SESTD1: variants seen among roughly 807,000 people sequenced by gnomAD.
The protein encoded by SESTD1 is SEC14 domain and spectrin repeat-containing protein 1.
SESTD1 carries 43 observed loss-of-function variants against 101.7 expected under a neutral mutation model. The ratio of observed to expected loss-of-function variants is 0.42; its 90% confidence interval spans 0.33 to 0.55. SESTD1 has a LOEUF of 0.55. Ranked by LOEUF, SESTD1 falls within the 20% of genes least tolerant of loss-of-function variation. The probability of loss-of-function intolerance (pLI) is 0.07; values close to 1 mark genes in which losing one functional copy is unlikely to be tolerated. For synonymous variants in SESTD1, 283 were observed against 286.8 expected (o/e 0.99, Z 0.13); for missense variants, 647 against 815.1 (o/e 0.79, Z 2.51).
chr2:179,237,806 G>A (rs1286985453), intron 1 of SESTD1, among the ~76,000 whole-genome samples: 1 of 152,058 alleles, frequency 6.6e-6, no homozygotes, highest in Non-Finnish European at 1.5e-5. Flanking sequence ...GACTCCATGG[G>A]AGTCAGTATC....
intron 7 of SESTD1, among the ~76,000 whole-genome samples, chr2:179,148,385 A>T (rs894213687): frequency 2.0e-5 from 3 of 152,198 alleles, no homozygotes; most frequent in Non-Finnish European, 4.4e-5. Flanking sequence ...GAGGAGGAGG[A>T]CTTGCTCTAC....
chr2:179,116,313 C>A (rs1046711180), intron 15 of SESTD1, among the ~76,000 whole-genome samples: 3 of 150,718 alleles, frequency 2.0e-5, no homozygotes, highest in African/African-American at 7.3e-5. Context: ...CAAAAAAGTT[C>A]TGTATTATTA....
chr2:179,193,338 G>A (rs553033653), intron 1 of SESTD1, among the ~76,000 whole-genome samples: 39 of 152,266 alleles, frequency 2.6e-4, no homozygotes, highest in African/African-American at 5.1e-4. Flanking sequence ...GAATATTTGC[G>A]ATTTGTTTAT....
In SESTD1 at chr2:179,214,307, C is replaced by CA. The variant is rs1203398197; in HGVS notation, c.-25-22442dup. 6.9e-5 allele frequency among the ~76,000 whole-genome samples: 9 copies of CA among 131,036 alleles called. 2 individuals are homozygous for CA. The highest frequency in any genetic ancestry group is 2.1e-4 in the African/African-American group (7 of 32,956). The allele number at this position is 131,036 out of a possible 152,430, so 86.0% of individuals were successfully genotyped here. On this transcript the variant is annotated intron_variant, in intron 1 of 17. Coordinates refer to ENST00000428443, the MANE Select transcript of SESTD1 (RefSeq NM_178123.5). ...GAAGATCTACTAAGCAAATGGAAAG[C>CA]AAAAAAAAGCAAAGGTTGAAATCCT...
intron 1 of SESTD1, among the ~76,000 whole-genome samples, chr2:179,247,579 C>A (rs996781407): frequency 6.8e-6 from 1 of 147,500 alleles, no homozygotes; most frequent in Non-Finnish European, 1.5e-5. Flanking sequence ...CATGTACCAC[C>A]ACACCTGGCT....
chr2:179,179,469 T>C lies in SESTD1; in HGVS notation c.165-2931A>G, dbSNP rs111848054. On this transcript the variant is annotated intron_variant, in intron 3 of 17. Transcript: ENST00000428443. Reference sequence around the variant, plus strand: ...AGTGGATTTCCTGGGGCCAACATCCTGCAGATCTTCACTCATTTCTTTGAT... The same window carrying C: ...AGTGGATTTCCTGGGGCCAACATCCCGCAGATCTTCACTCATTTCTTTGAT... Among the ~76,000 whole-genome samples, 10 of 152,266 alleles carry C rather than the reference T, an allele frequency of 6.6e-5. 1 individual carries two copies. The highest frequency in any genetic ancestry group is 2.4e-4 in the African/African-American group (10 of 41,542).
At chr2:179,252,422 A>G (rs889716849) in intron 1 of SESTD1, among the ~76,000 whole-genome samples, 44 of 152,286 alleles carry the variant, frequency 2.9e-4, no homozygotes, top group African/African-American at 1.0e-3. Context: ...GTAATTCAAG[A>G]TCTAGTAAAA....
chr2:179,169,640 A>T (rs191472), intron 5 of SESTD1, among the ~76,000 whole-genome samples: 1 of 152,162 alleles, frequency 6.6e-6, no homozygotes, highest in African/African-American at 2.4e-5. Context: ...TCTGGGAATC[A>T]CCAAGATAGA....
chr2:179,176,286 G>A (rs1361103090), intron 4 of SESTD1, among the ~76,000 whole-genome samples, 162 bp downstream of exon 4: 6 of 152,094 alleles, frequency 3.9e-5, no homozygotes, highest in Admixed American at 1.3e-4. Context: ...CAAACCTAAG[G>A]AGTTGAATTT....
At chr2:179,151,002 G>A (rs1481584204) in intron 6 of SESTD1, among the ~76,000 whole-genome samples, 1 of 152,026 alleles carries the variant, frequency 6.6e-6, no homozygotes, top group Non-Finnish European at 1.5e-5. Flanking sequence ...TCACACAAAG[G>A]TAGGTACTAT....
chr2:179,161,409 T>A (rs2045733671), intron 5 of SESTD1, among the ~76,000 whole-genome samples: 1 of 152,198 alleles, frequency 6.6e-6, no homozygotes, highest in South Asian at 2.1e-4. Context: ...ACATTCAAAA[T>A]GGTATTATGT....
chr2:179,230,113 C>CT (rs71023474), intron 1 of SESTD1, among the ~76,000 whole-genome samples: 2,129 of 56,400 alleles, frequency 0.038, 739 homozygotes, highest in Non-Finnish European at 0.057. Flanking sequence ...GATTGTATCT[C>CT]TTTTTTTTTT....
At chr2:179,135,667 C>T (rs187600032) in intron 9 of SESTD1, among the ~76,000 whole-genome samples, 1 of 152,226 alleles carries the variant, frequency 6.6e-6, no homozygotes. Context: ...ATTGGAGAAT[C>T]GTTTGAGCCT....
intron 1 of SESTD1, among the ~76,000 whole-genome samples, chr2:179,195,277 T>C (rs1463390865): frequency 6.6e-6 from 1 of 152,192 alleles, no homozygotes; most frequent in East Asian, 1.9e-4. Flanking sequence ...CATGCTGTTC[T>C]TGTGATAGTG....
chr2:179,142,215 A>G (rs34997591), intron 9 of SESTD1, among the ~76,000 whole-genome samples: 7,271 of 152,288 alleles, frequency 0.048, 201 homozygotes, highest in Middle Eastern at 0.099. Flanking sequence ...CCACAGCTGC[A>G]AGAAAGACCG....
intron 1 of SESTD1, among the ~76,000 whole-genome samples, chr2:179,222,055 G>A (rs1275622934): frequency 6.6e-6 from 1 of 152,038 alleles, no homozygotes; most frequent in Non-Finnish European, 1.5e-5. Flanking sequence ...TGTCATTTTG[G>A]AACAAACATA....
intron 1 of SESTD1, among the ~76,000 whole-genome samples, chr2:179,194,879 C>T (rs1283301567): frequency 6.6e-6 from 1 of 152,200 alleles, no homozygotes; most frequent in Non-Finnish European, 1.5e-5. Context: ...AGCTGTTTAT[C>T]AGCCAGGCAT....
intron 16 of SESTD1, among the ~76,000 whole-genome samples, chr2:179,113,890 T>C (rs1575419050): frequency 6.8e-6 from 1 of 147,458 alleles, no homozygotes; most frequent in African/African-American, 2.5e-5. Context: ...AAGTTATCAG[T>C]GGTGCTAGAC....
At position 179,102,537 on chromosome 2, in the gene SESTD1, A is replaced by G. The variant is rs1480702185; in HGVS notation, c.*7362T>C. 1.3e-5 allele frequency: 2 copies of G among 152,140 alleles called. No individual in the cohort carries two copies. The highest frequency in any genetic ancestry group is 2.9e-5 in the Non-Finnish European group (2 of 68,012). The allele number at this position is 152,140 out of a possible 1,614,324, so 9.4% of individuals were successfully genotyped here. A position where few individuals can be genotyped will look rare whatever the true frequency, so the allele number is the denominator to read the frequency against. The stretch of plus-strand genomic sequence containing the variant: ...TGCCATTATAGTTGTTAACATTTTT[A>G]TTGCATATTTACAATGTGTGGAACA... On this transcript the variant is annotated 3_prime_UTR_variant, in exon 18 of 18. Transcript: ENST00000428443.
Sources: allele counts gnomAD v4.1 joint callset (sites outside exome capture counted in the v4.1 genomes callset), GRCh38; gene constraint gnomAD v4.1.1; transcripts MANE v1.5; gene names NCBI Gene and HGNC (gene_info 2026-07-23, HGNC 2026-07-21).